Variants in RCHY1 observed in about 807,000 individuals in gnomAD.
RCHY1 encodes the protein RING finger and CHY zinc finger domain-containing protein 1.
RCHY1 carries 21 observed loss-of-function variants against 41.6 expected under a neutral mutation model. The ratio of observed to expected loss-of-function variants is 0.51; its 90% CI spans 0.36 to 0.73. RCHY1 has a LOEUF of 0.73. Among genes scored for constraint, RCHY1 ranks in the 30% least tolerant of loss-of-function variants. RCHY1 has a pLI of 0.00. For missense variants in RCHY1, 265 were observed against 325.3 expected, an observed-to-expected ratio of 0.81 and a Z score of 1.43; for synonymous variants, 79 against 102.9, an observed-to-expected ratio of 0.77 and a Z score of 1.41.
At chr4:75,499,168 G>A (rs1312956588) in intron 3 of RCHY1, among the ~76,000 whole-genome samples, 1 of 152,104 alleles carries the variant, frequency 6.6e-6, no homozygotes, top group Non-Finnish European at 1.5e-5. Flanking sequence ...AGGTATGTGA[G>A]AAAATACTCA....
chr4:75,499,945 A>C (rs558891066), intron 3 of RCHY1, among the ~76,000 whole-genome samples: 2 of 152,304 alleles, frequency 1.3e-5, no homozygotes, highest in African/African-American at 4.8e-5. Flanking sequence ...TTCTAGCACA[A>C]ATATTTAAGC....
At position 75,480,066 on chromosome 4, in the gene RCHY1, T is replaced by C. The variant is rs148181291; in HGVS notation, c.*2472A>G. The stretch of plus-strand genomic sequence containing the variant: ...GTAAGGGATGTAGATTTTATTCTTA[T>C]TGTGAATGAGAAGTGTTGAAGGATT... On this transcript the variant is annotated 3_prime_UTR_variant, in exon 9 of 9. Transcript: ENST00000324439. 6.6e-6 allele frequency: 1 copy of C among 152,308 alleles called. No homozygotes were observed. The highest frequency in any genetic ancestry group is 1.9e-4 in the East Asian group (1 of 5,182). 9.4% of individuals were successfully genotyped at this position (152,308 alleles called of 1,614,324 possible).
At chr4:75,503,476 C>T (rs978364352) in intron 3 of RCHY1, among the ~76,000 whole-genome samples, 1 of 152,130 alleles carries the variant, frequency 6.6e-6, no homozygotes, top group African/African-American at 2.4e-5. Flanking sequence ...GTGGGCGGAT[C>T]ACGAGGTCAG....
At position 75,514,239 on chromosome 4, in the gene RCHY1, A is replaced by C. The variant is rs1578251137; in HGVS notation, c.48T>G (p.Gly16=). ...REDGASGQER[G]QRGCEHYDRG... Reference sequence around the variant, plus strand: ...TGTCATAGTGCTCGCAGCCCCGCTGACCTCGCTCTTGACCGCTGGCGCCAT... The same window carrying C: ...TGTCATAGTGCTCGCAGCCCCGCTGCCCTCGCTCTTGACCGCTGGCGCCAT... The change falls in exon 1 of 9, where the codon GGT becomes GGG. Residue 16 remains glycine (G), a synonymous_variant. Transcript: ENST00000324439. The C allele has an allele frequency of 1.2e-6, 2 of 1,612,992 alleles. No individual in the cohort carries two copies. Among genetic ancestry groups the C allele is most frequent in the Non-Finnish European group, 1.7e-6 (2 of 1,179,140 alleles).
rs1285784410 is a variant in RCHY1 at position 75,482,354 on chromosome 4, A to G, written c.*184T>C. ...GCACAGTGGCTTTCATTCAATATAG[A>G]GCTATGATAAGTCTATCAAGAGACC... is the stretch of plus-strand genomic sequence containing the variant. On this transcript the variant is annotated 3_prime_UTR_variant, in exon 9 of 9. Transcript: ENST00000324439. 3 of 407,828 alleles carry G rather than the reference A, an allele frequency of 7.4e-6. No homozygotes were observed. Among genetic ancestry groups the G allele is most frequent in the Non-Finnish European group, 1.3e-5 (3 of 239,542 alleles). 25.3% of individuals were successfully genotyped at this position (407,828 alleles called of 1,614,324 possible). A position where few individuals can be genotyped will look rare whatever the true frequency, so the allele number is the denominator to read the frequency against.
chr4:75,492,250 G>C (rs1722820469), intron 4 of RCHY1, among the ~76,000 whole-genome samples: 1 of 151,902 alleles, frequency 6.6e-6, no homozygotes, highest in African/African-American at 2.4e-5. Flanking sequence ...TGGAACCTTT[G>C]CATATTATGT....
At chr4:75,485,526 T>G (rs529540961) in intron 8 of RCHY1, among the ~76,000 whole-genome samples, 3 of 151,506 alleles carry the variant, frequency 2.0e-5, no homozygotes, top group Admixed American at 6.5e-5. Flanking sequence ...CTGGCCATCT[T>G]GTCTTAACTT....
At chr4:75,493,826 T>C (rs1019879154) in intron 4 of RCHY1, among the ~76,000 whole-genome samples, 1 of 151,842 alleles carries the variant, frequency 6.6e-6, no homozygotes, top group Non-Finnish European at 1.5e-5. Flanking sequence ...GCAGTACCAA[T>C]GGTAAGAATC....
At chr4:75,511,302 C>CTTAAA (rs1724850514) in intron 1 of RCHY1, among the ~76,000 whole-genome samples, 1 of 152,036 alleles carries the variant, frequency 6.6e-6, no homozygotes, top group African/African-American at 2.4e-5. Flanking sequence ...AAAAAGCTTC[C>CTTAAA]AACCTCACAA....
chr4:75,501,487 A>G (rs934666579), intron 3 of RCHY1, among the ~76,000 whole-genome samples: 1 of 152,218 alleles, frequency 6.6e-6, no homozygotes, highest in African/African-American at 2.4e-5. Flanking sequence ...TGCCATATGC[A>G]CTCATTAAAA....
At chr4:75,490,391 CT>C (rs968421016) in intron 8 of RCHY1, among the ~76,000 whole-genome samples, 189 bp downstream of exon 8, 3 of 151,126 alleles carry the variant, frequency 2.0e-5, no homozygotes, top group Non-Finnish European at 4.4e-5. Context: ...ATTCTTAAGA[CT>C]TTTTTTTTCC....
Position 75,479,862 on chromosome 4 carries a change from G to T in RCHY1, c.*2676C>A, listed in dbSNP as rs1474632412. The T allele has an allele frequency of 6.6e-6, 1 of 152,070 alleles. No individual in the cohort carries two copies. Among genetic ancestry groups the T allele is most frequent in the Non-Finnish European group, 1.5e-5 (1 of 67,954 alleles). The allele number at this position is 152,070 out of a possible 1,614,324, so 9.4% of individuals were successfully genotyped here. Reference sequence around the variant, plus strand: ...ACATTCCTGTAAGCATTATAAAAAAGAATAGGAAAAGAATGAAGTTGTCTG... The same window carrying T: ...ACATTCCTGTAAGCATTATAAAAAATAATAGGAAAAGAATGAAGTTGTCTG... On this transcript the variant is annotated 3_prime_UTR_variant, in exon 9 of 9. Transcript: ENST00000324439.
chr4:75,487,446 T>TATATATATAGTCATATATATATTCACA (rs1471247941), intron 8 of RCHY1, among the ~76,000 whole-genome samples: 12 of 138,722 alleles, frequency 8.7e-5, no homozygotes, highest in African/African-American at 3.1e-4. Flanking sequence ...TATATATAAA[T>TATATATATAGTCATATATATATTCACA]ATATATATAG....
At chr4:75,510,768 ACTT>A (rs953547767) in intron 1 of RCHY1, among the ~76,000 whole-genome samples, 3 of 152,224 alleles carry the variant, frequency 2.0e-5, no homozygotes, top group African/African-American at 4.8e-5. Flanking sequence ...TTAAAATATT[ACTT>A]CTTTTTAAAA....
chr4:75,494,225 C>T lies in RCHY1; in HGVS notation c.327-46G>A, dbSNP rs368527752. On this transcript the variant is annotated intron_variant, in intron 3 of 8. Transcript: ENST00000324439. Reference sequence around the variant, plus strand: ...CAAAAGATTAGATTATTTTTTACTACAGTCATGATTTGTTCATTATGTAAA... The same window carrying T: ...CAAAAGATTAGATTATTTTTTACTATAGTCATGATTTGTTCATTATGTAAA... The T allele has an allele frequency of 1.1e-5, 15 of 1,309,892 alleles. No homozygotes were observed. The African/African-American group carries it at 1.2e-4, about 10-fold the overall frequency. The allele number at this position is 1,309,892 out of a possible 1,614,324, so 81.1% of individuals were successfully genotyped here.
At chr4:75,492,401 C>A (rs1446262240) in intron 4 of RCHY1, among the ~76,000 whole-genome samples, 1 of 151,890 alleles carries the variant, frequency 6.6e-6, no homozygotes, top group African/African-American at 2.4e-5. Flanking sequence ...ATCTCACAAT[C>A]CTAGATGAAA....
At chr4:75,501,704 A>G (rs1723777782) in intron 3 of RCHY1, among the ~76,000 whole-genome samples, 1 of 152,246 alleles carries the variant, frequency 6.6e-6, no homozygotes, top group South Asian at 2.1e-4. Context: ...TCCACTGAAC[A>G]TGAAAAGGAT....
chr4:75,497,876 GA>G (rs551012724), intron 3 of RCHY1, among the ~76,000 whole-genome samples: 62 of 150,312 alleles, frequency 4.1e-4, no homozygotes, highest in African/African-American at 1.3e-3. Context: ...CAGAGACAAA[GA>G]AAAAAAATCT....
In RCHY1 at chr4:75,487,554, A is replaced by AATAT. The variant is rs368171667; in HGVS notation, c.657+3023_657+3026dup. ...ATATATTCATAATATATATATTCAT[A>AATAT]ATATATTCATAATATATATATTCAT... is the stretch of plus-strand genomic sequence containing the variant. On this transcript the variant is annotated intron_variant, in intron 8 of 8. Transcript: ENST00000324439. Among the ~76,000 whole-genome samples the AATAT allele has an allele frequency of 7.4e-3, 359 of 48,320 alleles. 86 individuals carry two copies. The highest frequency in any genetic ancestry group is 0.012 in the Non-Finnish European group (294 of 23,996). The allele number at this position is 48,320 out of a possible 152,430, so 31.7% of individuals were successfully genotyped here. A position where few individuals can be genotyped will look rare whatever the true frequency, so the allele number is the denominator to read the frequency against.
Sources: gnomAD v4.1 joint callset for allele counts (sites outside exome capture counted in the v4.1 genomes callset) on GRCh38, gnomAD v4.1.1 for gene constraint, MANE v1.5 for transcripts, NCBI Gene and HGNC (gene_info 2026-07-23, HGNC 2026-07-21) for gene names.